The following PCDH15 variants were observed in gnomAD, a reference collection of about 807,000 sequenced individuals.
PCDH15 encodes protocadherin-15.
A neutral mutation model predicts 178.5 loss-of-function variants in PCDH15; 129 were observed. That is an observed-to-expected ratio of 0.72 (90% CI 0.63 to 0.84). PCDH15 has a LOEUF of 0.84. Among genes scored for constraint, PCDH15 ranks in the 40% least tolerant of loss-of-function variants. The pLI, the probability that PCDH15 is intolerant of heterozygous loss-of-function variation, is 0.00. For missense variants in PCDH15, 2,230 were observed against 2,099.9 expected, an observed-to-expected ratio of 1.06 and a Z score of -1.21; for synonymous variants, 800 against 732.0, an observed-to-expected ratio of 1.09 and a Z score of -1.50.
chr10:54,329,659 T>G lies in PCDH15; in HGVS notation c.642A>C (p.Ile214=), dbSNP rs1191388453. 1 of 1,609,468 alleles carries G rather than the reference T, an allele frequency of 6.2e-7. No individual in the cohort carries two copies. Among genetic ancestry groups the G allele is most frequent in the Admixed American group, 1.7e-5 (1 of 59,920 alleles). Residue 214 remains isoleucine (I), a synonymous_variant, in exon 7 of 38, where the codon ATA becomes ATC. Coordinates refer to ENST00000644397, the MANE Select transcript of PCDH15 (RefSeq NM_001384140.1). ...FEIPLMLTGN[I]VLRKRLNYED... is the part of the protein sequence containing the mutation. Reference sequence around the variant, plus strand: ...CATAGTTGAGCCTCTTCCTTAACACTATATTTCCAGTCAACATTAGGGGAA... The same window carrying G: ...CATAGTTGAGCCTCTTCCTTAACACGATATTTCCAGTCAACATTAGGGGAA...
intron 5 of PCDH15, among the ~76,000 whole-genome samples, chr10:54,352,599 G>A (rs938036316): frequency 1.2e-4 from 19 of 152,232 alleles, no homozygotes; most frequent in Admixed American, 3.3e-4. Flanking sequence ...AAATGCTACC[G>A]GGGTGGCAGG....
At chr10:55,226,927 A>T (rs1841063115) in intron 1 of PCDH15, among the ~76,000 whole-genome samples, 1 of 152,064 alleles carries the variant, frequency 6.6e-6, no homozygotes, top group East Asian at 1.9e-4. Flanking sequence ...TAACATAAGT[A>T]AATACATAGA....
intron 1 of PCDH15, among the ~76,000 whole-genome samples, chr10:55,219,238 G>A (rs965105395): frequency 2.0e-5 from 3 of 151,744 alleles, no homozygotes; most frequent in Non-Finnish European, 4.4e-5. Flanking sequence ...TTTCTAACGT[G>A]GCTATACATC....
chr10:53,816,315 A>G lies in PCDH15; in HGVS notation c.4453-38T>C, dbSNP rs1370674181. On this transcript the variant is annotated intron_variant, in intron 34 of 37. Coordinates refer to ENST00000644397, the MANE Select transcript of PCDH15 (RefSeq NM_001384140.1). ...ATTAAAATAGAAAAAGATTTAGAAA[A>G]TAATTCAGATGGGAAAGGTAGATCA... The G allele has an allele frequency of 1.8e-5, 7 of 398,516 alleles. 1 individual carries two copies. In the Admixed American group the frequency reaches 3.1e-4, roughly 18 times the overall value. 24.7% of individuals were successfully genotyped at this position (398,516 alleles called of 1,614,324 possible). A position where few individuals can be genotyped will look rare whatever the true frequency, so the allele number is the denominator to read the frequency against.
intron 3 of PCDH15, among the ~76,000 whole-genome samples, chr10:54,392,600 T>C (rs1355887747): frequency 6.6e-6 from 1 of 150,998 alleles, no homozygotes; most frequent in Non-Finnish European, 1.5e-5. Flanking sequence ...TATATTTTGC[T>C]CCAAAAAAAA....
At chr10:55,560,319 G>GT (rs977118398) in intron 2 of PCDH15, among the ~76,000 whole-genome samples, 12 of 151,928 alleles carry the variant, frequency 7.9e-5, no homozygotes, top group African/African-American at 2.2e-4. Context: ...AATGCTTGAT[G>GT]TTTTTTCCAA....
chr10:54,952,681 T>C (rs532238429), intron 2 of PCDH15, among the ~76,000 whole-genome samples: 3 of 151,810 alleles, frequency 2.0e-5, no homozygotes, highest in Non-Finnish European at 4.4e-5. Flanking sequence ...ATCAGAATTT[T>C]GTAGTTTTCC....
rs538722906 is a variant in PCDH15 at position 55,252,483 on chromosome 10, A to C, written c.-156+67116T>G. 2.2e-3 allele frequency among the ~76,000 whole-genome samples: 337 copies of C among 152,250 alleles called. 2 individuals carry two copies. The highest frequency in any genetic ancestry group is 7.7e-3 in the African/African-American group (319 of 41,560). ...ATTTCCCAAATTATAAAATATTGGA[A>C]CTGATCACAGTACTTAAATAGTTCT... On this transcript the variant is annotated intron_variant, in intron 1 of 5. Transcript: ENST00000458638.
chr10:54,967,906 C>T (rs1427600892), intron 2 of PCDH15, among the ~76,000 whole-genome samples: 3 of 152,122 alleles, frequency 2.0e-5, no homozygotes, highest in African/African-American at 7.2e-5. Context: ...ACTGGCATCA[C>T]CCTATGTGCT....
chr10:55,009,045 C>T (rs896131542), intron 2 of PCDH15, among the ~76,000 whole-genome samples: 6 of 152,046 alleles, frequency 3.9e-5, no homozygotes, highest in African/African-American at 1.2e-4. Context: ...CTGTACTATC[C>T]GGTACCTTGT....
chr10:54,165,975 A>C (rs1038363780), intron 13 of PCDH15, among the ~76,000 whole-genome samples: 1 of 152,196 alleles, frequency 6.6e-6, no homozygotes, highest in Non-Finnish European at 1.5e-5. Flanking sequence ...AATACTTTAC[A>C]AAAGTACAGA....
intron 1 of PCDH15, among the ~76,000 whole-genome samples, chr10:54,679,939 TTGTC>T (rs1445834623): frequency 6.6e-6 from 1 of 152,226 alleles, no homozygotes; most frequent in Non-Finnish European, 1.5e-5. Context: ...TAAAGAATGT[TTGTC>T]TAAGATTTCT....
chr10:55,474,433 T>C (rs1230884376), intron 2 of PCDH15, among the ~76,000 whole-genome samples: 2 of 152,206 alleles, frequency 1.3e-5, no homozygotes, highest in Non-Finnish European at 2.9e-5. Flanking sequence ...TTTTCTGAAG[T>C]ATGTATATTT....
chr10:55,404,113 A>C (rs1025728983), intron 2 of PCDH15, among the ~76,000 whole-genome samples: 13 of 152,002 alleles, frequency 8.6e-5, no homozygotes, highest in African/African-American at 3.1e-4. Context: ...GTATAGTTAG[A>C]TTAATAAGAA....
rs1227868390 is a variant in PCDH15, at chr10:53,831,481, C to T, written c.4036G>A (p.Gly1346Arg). 1.9e-6 allele frequency: 3 copies of T among 1,614,014 alleles called. No individual in the cohort carries two copies. Among genetic ancestry groups the T allele is most frequent in the Non-Finnish European group, 2.5e-6 (3 of 1,180,018 alleles). The change falls in exon 30 of 38, where the codon GGG becomes AGG. Residue 1346 changes from glycine to arginine, a missense_variant. Coordinates refer to ENST00000644397, the MANE Select transcript of PCDH15 (RefSeq NM_001384140.1). ...DINKDFQPYY[G>R]EGGRILEIRT... ...ATCTCCAGAATGCGTCCTCCTTCCCCATAATACGGCTGAAAGTCTTTATTG... is the reference window on the plus strand; with the variant it reads ...ATCTCCAGAATGCGTCCTCCTTCCCTATAATACGGCTGAAAGTCTTTATTG...
intron 2 of PCDH15, among the ~76,000 whole-genome samples, chr10:55,331,414 T>G (rs1844195534): frequency 6.6e-6 from 1 of 151,980 alleles, no homozygotes; most frequent in South Asian, 2.1e-4. Flanking sequence ...GTTACAATAT[T>G]TTTTAGTATA....
At chr10:54,556,564 G>T (rs2087293818) in intron 2 of PCDH15, among the ~76,000 whole-genome samples, 1 of 150,262 alleles carries the variant, frequency 6.7e-6, no homozygotes, top group South Asian at 2.1e-4. Flanking sequence ...TCACTCTGGA[G>T]AGATTACAAA....
chr10:54,277,980 T>C (rs760051404), intron 8 of PCDH15, among the ~76,000 whole-genome samples: 17 of 151,594 alleles, frequency 1.1e-4, no homozygotes, highest in Non-Finnish European at 2.5e-4. Flanking sequence ...CAACTAGAGA[T>C]ATCAAATAGA....
intron 2 of PCDH15, among the ~76,000 whole-genome samples, chr10:54,565,781 C>T (rs2088934888): frequency 6.6e-6 from 1 of 152,090 alleles, no homozygotes; most frequent in Non-Finnish European, 1.5e-5. Flanking sequence ...TATGAGATTT[C>T]TTCTTCTTAA....
Sources: gnomAD v4.1 joint callset for allele counts (sites outside exome capture counted in the v4.1 genomes callset) on GRCh38, gnomAD v4.1.1 for gene constraint, MANE v1.5 for transcripts, NCBI Gene and HGNC (gene_info 2026-07-23, HGNC 2026-07-21) for gene names.